The following PRKACB variants were observed in gnomAD, a reference collection of about 807,000 sequenced individuals.
The protein encoded by PRKACB is cAMP-dependent protein kinase catalytic subunit beta.
A neutral mutation model predicts 51.4 loss-of-function variants in PRKACB; 16 were observed. The ratio of observed to expected loss-of-function variants is 0.31; its 90% CI spans 0.21 to 0.47. The LOEUF (loss-of-function observed/expected upper bound fraction) is 0.47. Among genes scored for constraint, PRKACB ranks in the 20% least tolerant of loss-of-function variants. The pLI is 1.00. For missense variants in PRKACB, 309 were observed against 464.5 expected, an observed-to-expected ratio of 0.67 and a Z score of 3.08; for synonymous variants, 147 against 154.4, an observed-to-expected ratio of 0.95 and a Z score of 0.35.
intron 1 of PRKACB, among the ~76,000 whole-genome samples, chr1:84,121,512 C>T (rs1177890724): frequency 6.6e-6 from 1 of 152,102 alleles, no homozygotes; most frequent in Non-Finnish European, 1.5e-5. Flanking sequence ...CCTAAACTTT[C>T]CCTTATTCAG....
chr1:84,121,345 GA>G, intron 1 of PRKACB, among the ~76,000 whole-genome samples: 1 of 151,736 alleles, frequency 6.6e-6, no homozygotes, highest in South Asian at 2.1e-4. Context: ...ATTTGAAGAT[GA>G]AAAAGGAGGT....
chr1:84,185,220 C>T (rs750364153), intron 5 of PRKACB, 38 bp downstream of exon 5: 2 of 1,385,638 alleles, frequency 1.4e-6, no homozygotes, highest in Admixed American at 5.3e-5. Context: ...TCTTTATATG[C>T]TTGTGTTGTT....
At chr1:84,180,183 G>GATATATATATATATATATATATAT (rs3051182) in intron 2 of PRKACB, among the ~76,000 whole-genome samples, 589 of 31,956 alleles carry the variant, frequency 0.018, 159 homozygotes, top group Non-Finnish European at 0.029. Context: ...AAGAAACTGT[G>GATATATATATATATATATATATAT]ATATATATAT....
intron 9 of PRKACB, among the ~76,000 whole-genome samples, chr1:84,218,888 T>C (rs985930233): frequency 6.6e-6 from 1 of 152,184 alleles, no homozygotes; most frequent in African/African-American, 2.4e-5. Flanking sequence ...TCCCTGATGA[T>C]TAATGGTGTT....
rs1029390891 is a variant in PRKACB, at chr1:84,238,320, C to A, written c.*3015C>A. 1 of 152,478 alleles carries A rather than the reference C, an allele frequency of 6.6e-6. No homozygotes were observed. Among genetic ancestry groups the A allele is most frequent in the Non-Finnish European group, 1.5e-5 (1 of 67,994 alleles). The allele number at this position is 152,478 out of a possible 1,614,324, so 9.4% of individuals were successfully genotyped here. ...AAATGAAATAATGTATGTGAAAGCA[C>A]CTTGTAAACTGTAACCTATCAATGT... On this transcript the variant is annotated 3_prime_UTR_variant, in exon 10 of 10. Transcript: ENST00000370685.
At chr1:84,219,382 A>G (rs145580883) in intron 9 of PRKACB, among the ~76,000 whole-genome samples, 4,442 of 150,744 alleles carry the variant, frequency 0.029, 252 homozygotes, top group African/African-American at 0.1. Context: ...CCACAACCAC[A>G]CCCAGCTAAT....
chr1:84,078,881 CCTTCATCT>C (rs1169452286), intron 1 of PRKACB, among the ~76,000 whole-genome samples: 25 of 152,154 alleles, frequency 1.6e-4, no homozygotes, highest in Admixed American at 1.1e-3. Context: ...CCTTAGAGAT[CCTTCATCT>C]CTTCAGATTA....
At chr1:84,168,589 T>C (rs925077181) in intron 1 of PRKACB, among the ~76,000 whole-genome samples, 2 of 151,458 alleles carry the variant, frequency 1.3e-5, no homozygotes, top group East Asian at 1.9e-4. Flanking sequence ...AGAAAAAAAA[T>C]TGGGAAAGCA....
chr1:84,225,158 G>A (rs1674378372), intron 9 of PRKACB, among the ~76,000 whole-genome samples: 1 of 152,176 alleles, frequency 6.6e-6, no homozygotes, highest in Non-Finnish European at 1.5e-5. Context: ...AGGCAGGGAA[G>A]GACTATTCCT....
intron 1 of PRKACB, among the ~76,000 whole-genome samples, chr1:84,130,610 T>C (rs908000219): frequency 5.3e-5 from 8 of 152,162 alleles, no homozygotes; most frequent in African/African-American, 1.9e-4. Context: ...TCTAAAAAAA[T>C]TGAATATGTA....
intron 1 of PRKACB, among the ~76,000 whole-genome samples, chr1:84,149,457 C>T (rs1349360931): frequency 6.6e-6 from 1 of 152,106 alleles, no homozygotes; most frequent in Non-Finnish European, 1.5e-5. Flanking sequence ...GGTGGAGTTT[C>T]ACCATGTTGC....
intron 8 of PRKACB, among the ~76,000 whole-genome samples, chr1:84,206,397 A>G (rs1671352405): frequency 6.6e-6 from 1 of 152,166 alleles, no homozygotes; most frequent in South Asian, 2.1e-4. Flanking sequence ...TCCAGGTTTG[A>G]TGATTCACCA....
intron 5 of PRKACB, 39 bp downstream of exon 5, chr1:84,185,221 T>G: frequency 2.9e-6 from 4 of 1,383,620 alleles, no homozygotes; most frequent in Non-Finnish European, 3.9e-6. Context: ...CTTTATATGC[T>G]TGTGTTGTTT....
At chr1:84,179,042 G>C in intron 1 of PRKACB, 135 bp from the exon 2 acceptor site, 1 of 1,036,464 alleles carries the variant, frequency 9.6e-7, no homozygotes, top group Non-Finnish European at 1.4e-6. Flanking sequence ...ATGTATCATG[G>C]TGATAAATAT....
In PRKACB at chr1:84,235,399, C is replaced by T; in HGVS notation, c.*94C>T. On this transcript the variant is annotated 3_prime_UTR_variant, in exon 10 of 10. Transcript: ENST00000370685. ...AGACCGTCCTTGTTGAAGCAGTTAC[C>T]TAGTTCCTTCATTCCAACGACTGAG... The T allele has an allele frequency of 6.6e-7, 1 of 1,518,200 alleles. No individual in the cohort carries two copies. The highest frequency in any genetic ancestry group is 9.0e-7 in the Non-Finnish European group (1 of 1,111,358). 94.0% of individuals were successfully genotyped at this position (1,518,200 alleles called of 1,614,324 possible). A position where few individuals can be genotyped will look rare whatever the true frequency, so the allele number is the denominator to read the frequency against.
intron 1 of PRKACB, among the ~76,000 whole-genome samples, chr1:84,149,909 T>TTA (rs921786520): frequency 6.6e-6 from 1 of 152,168 alleles, no homozygotes; most frequent in African/African-American, 2.4e-5. Context: ...TTTTCATAGA[T>TTA]TATAGCACTT....
rs1243225457 is a variant in PRKACB, at chr1:84,214,133, CA to C, written c.907-17del. 4 of 1,576,306 alleles carry C rather than the reference CA, an allele frequency of 2.5e-6. No homozygotes were observed. In the African/African-American group the frequency reaches 5.5e-5, roughly 22 times the overall value. ...ATGAGTCTTAGAATGTGTGTTTTAC[CA>C]AATGGTGTGTTTGTGTAGGTCCGAT... On this transcript the variant is annotated intron_variant, in intron 8 of 9. Transcript: ENST00000370685.
At chr1:84,183,724 A>G (rs1050380901) in intron 3 of PRKACB, among the ~76,000 whole-genome samples, 1 of 151,814 alleles carries the variant, frequency 6.6e-6, no homozygotes, top group Non-Finnish European at 1.5e-5. Flanking sequence ...TAATTTTTAA[A>G]GTAATTTCTT....
At chr1:84,104,778 C>T (rs964958908) in intron 1 of PRKACB, among the ~76,000 whole-genome samples, 2 of 152,102 alleles carry the variant, frequency 1.3e-5, no homozygotes, top group African/African-American at 2.4e-5. Flanking sequence ...ACATGTCAAA[C>T]TGCCTATGTC....
Sources: allele counts gnomAD v4.1 joint callset (sites outside exome capture counted in the v4.1 genomes callset), GRCh38; gene constraint gnomAD v4.1.1; transcripts MANE v1.5; gene names NCBI Gene and HGNC (gene_info 2026-07-23, HGNC 2026-07-21).